BCAT1: variants seen among roughly 807,000 people sequenced by gnomAD.
The protein encoded by BCAT1 is branched chain amino acid transaminase 1, also known as branched-chain-amino-acid aminotransferase, cytosolic.
BCAT1 carries 48 observed loss-of-function variants against 52.4 expected under a neutral mutation model. The ratio of observed to expected loss-of-function variants is 0.92; its 90% confidence interval spans 0.73 to 1.16. BCAT1 has a LOEUF of 1.16. Among genes scored for constraint, BCAT1 ranks in the 50% most tolerant of loss-of-function variants. The pLI is 0.00. For missense variants in BCAT1, 451 were observed against 457.1 expected, an observed-to-expected ratio of 0.99 and a Z score of 0.12; for synonymous variants, 167 against 161.3, an observed-to-expected ratio of 1.04 and a Z score of -0.27.
chr12:24,940,731 T>C (rs1237973811), intron 1 of BCAT1, among the ~76,000 whole-genome samples: 1 of 152,162 alleles, frequency 6.6e-6, no homozygotes, highest in Non-Finnish European at 1.5e-5. Flanking sequence ...CAAAAGTGAA[T>C]ATAGTAGGTG....
At chr12:24,866,021 C>A (rs540400513) in intron 5 of BCAT1, among the ~76,000 whole-genome samples, 13 of 152,340 alleles carry the variant, frequency 8.5e-5, no homozygotes, top group African/African-American at 2.4e-4. Context: ...GGGAGCCATT[C>A]TCTGGGCTGG....
At chr12:24,911,606 C>A (rs1473371455) in intron 1 of BCAT1, among the ~76,000 whole-genome samples, 2 of 152,172 alleles carry the variant, frequency 1.3e-5, no homozygotes, top group Non-Finnish European at 1.5e-5. Context: ...TATATACACA[C>A]CACGATGAAA....
At chr12:24,917,039 A>G (rs1304670787) in intron 1 of BCAT1, among the ~76,000 whole-genome samples, 3 of 152,068 alleles carry the variant, frequency 2.0e-5, no homozygotes, top group Non-Finnish European at 4.4e-5. Context: ...GAGTCTGGAA[A>G]ACAAAACATA....
At position 24,936,732 on chromosome 12, in the gene BCAT1, C is replaced by A. The variant is rs983338256; in HGVS notation, c.6+12195G>T. 1.9e-4 allele frequency among the ~76,000 whole-genome samples: 29 copies of A among 151,144 alleles called. 1 individual carries two copies. Among genetic ancestry groups the A allele is most frequent in the Non-Finnish European group, 4.3e-4 (29 of 67,694 alleles). On this transcript the variant is annotated intron_variant, in intron 1 of 10. Transcript: ENST00000261192. Reference sequence around the variant, plus strand: ...TCTCAATCTCTCTCTCTCACACACACACACACACATACACACACACATACA... The same window carrying A: ...TCTCAATCTCTCTCTCTCACACACAAACACACACATACACACACACATACA...
intron 10 of BCAT1, among the ~76,000 whole-genome samples, chr12:24,826,925 T>C (rs1000365493): frequency 1.3e-5 from 2 of 152,214 alleles, no homozygotes; most frequent in Admixed American, 6.5e-5. Flanking sequence ...TTTCTTGATT[T>C]CTTTTTCAGA....
chr12:24,911,927 T>C (rs1327001169), intron 1 of BCAT1, among the ~76,000 whole-genome samples: 4 of 152,218 alleles, frequency 2.6e-5, no homozygotes, highest in Non-Finnish European at 5.9e-5. Flanking sequence ...CAGAATCACT[T>C]AACTTCTGAA....
chr12:24,829,735 T>C, intron 10 of BCAT1, 88 bp downstream of exon 10: 2 of 1,062,986 alleles, frequency 1.9e-6, no homozygotes, highest in South Asian at 3.3e-5. Context: ...CATTGAAATA[T>C]AATTTAGTTG....
intron 8 of BCAT1, chr12:24,833,678 T>C (rs893377228): frequency 1.3e-5 from 2 of 152,318 alleles, no homozygotes; most frequent in African/African-American, 2.4e-5. Context: ...ATCATCCCCA[T>C]TTTACAGATG....
chr12:24,891,645 C>G (rs1008058297), intron 3 of BCAT1, among the ~76,000 whole-genome samples: 2 of 151,980 alleles, frequency 1.3e-5, no homozygotes, highest in African/African-American at 4.8e-5. Flanking sequence ...CAAAGGATAA[C>G]AGTAATTTGA....
intron 7 of BCAT1, among the ~76,000 whole-genome samples, chr12:24,838,686 G>C (rs910199191): frequency 2.6e-5 from 4 of 152,158 alleles, no homozygotes; most frequent in African/African-American, 9.7e-5. Flanking sequence ...TCAAGGAACA[G>C]AACATCTGCT....
intron 5 of BCAT1, among the ~76,000 whole-genome samples, chr12:24,865,607 CTG>C (rs10541735): frequency 2.0e-5 from 3 of 151,374 alleles, no homozygotes; most frequent in Non-Finnish European, 2.9e-5. Flanking sequence ...ATTATATTGG[CTG>C]TGTGTGTGTA....
chr12:24,880,599 G>A (rs1317727407), intron 4 of BCAT1, among the ~76,000 whole-genome samples: 2 of 152,120 alleles, frequency 1.3e-5, no homozygotes, highest in African/African-American at 4.8e-5. Flanking sequence ...AAATAATTAA[G>A]TTACTATATC....
chr12:24,901,790 C>G (rs1943109909), intron 2 of BCAT1, 24 bp downstream of exon 2: 1 of 1,609,596 alleles, frequency 6.2e-7, no homozygotes. Flanking sequence ...GCTTTAGACA[C>G]TAAGCCTCTG....
chr12:24,836,928 A>G (rs939412929), intron 7 of BCAT1, among the ~76,000 whole-genome samples: 6 of 110,416 alleles, frequency 5.4e-5, no homozygotes, highest in African/African-American at 1.3e-4. Context: ...GAAAGAAAGA[A>G]AGAAAGAAAG....
chr12:24,882,092 C>G (rs1565480476), intron 3 of BCAT1, among the ~76,000 whole-genome samples: 1 of 152,146 alleles, frequency 6.6e-6, no homozygotes, highest in African/African-American at 2.4e-5. Flanking sequence ...ATAGAACAAA[C>G]AGGCTAAACC....
intron 5 of BCAT1, among the ~76,000 whole-genome samples, chr12:24,877,290 T>C (rs1484446410): frequency 1.3e-5 from 2 of 152,230 alleles, no homozygotes; most frequent in Non-Finnish European, 2.9e-5. Context: ...TCTCCATATG[T>C]TCCCTATCTC....
rs1940973553 is a variant in BCAT1, at chr12:24,836,914, GAAAGAAAGAAAGAA to G, written c.818-332_818-319del. Among the ~76,000 whole-genome samples the G allele has an allele frequency of 2.2e-4, 6 of 27,578 alleles. 1 individual carries two copies. The highest frequency in any genetic ancestry group is 4.9e-4 in the African/African-American group (5 of 10,174). The allele number at this position is 27,578 out of a possible 152,430, so 18.1% of individuals were successfully genotyped here. A position where few individuals can be genotyped will look rare whatever the true frequency, so the allele number is the denominator to read the frequency against. ...GAAAGAAAGAAAAGAAAGAGAGAAA[GAAAGAAAGAAAGAA>G]AGAAAGAAAGAAAGAAAGAAAGAAA... On this transcript the variant is annotated intron_variant, in intron 7 of 10. Transcript: ENST00000261192.
intron 1 of BCAT1, chr12:24,902,917 C>A (rs1455246014): frequency 6.6e-7 from 1 of 1,511,998 alleles, no homozygotes; most frequent in Non-Finnish European, 8.8e-7. Context: ...CAATCCTCCC[C>A]CCTTCCGCAA....
At chr12:24,913,936 T>C (rs994841848) in intron 1 of BCAT1, among the ~76,000 whole-genome samples, 1 of 152,076 alleles carries the variant, frequency 6.6e-6, no homozygotes, top group Non-Finnish European at 1.5e-5. Flanking sequence ...TGGTTGGCTT[T>C]GGGGAAAAGG....
Sources: allele counts gnomAD v4.1 joint callset (sites outside exome capture counted in the v4.1 genomes callset), GRCh38; gene constraint gnomAD v4.1.1; transcripts MANE v1.5; gene names NCBI Gene and HGNC (gene_info 2026-07-23, HGNC 2026-07-21).